Variants in CCSER1 observed in about 807,000 individuals in gnomAD.
The protein encoded by CCSER1 is serine-rich coiled-coil domain-containing protein 1.
In CCSER1, 41 loss-of-function variants were observed where a neutral mutation model predicts 82.0. The observed-to-expected ratio is 0.50, with a 90% CI of 0.39 to 0.65. The LOEUF is 0.65. Ranked by LOEUF, CCSER1 falls within the 30% of genes least tolerant of loss-of-function variation. CCSER1 has a pLI of 0.00. For missense variants in CCSER1, 1,119 were observed against 1,064.2 expected (o/e 1.05, Z -0.72); for synonymous variants, 414 against 383.9 (o/e 1.08, Z -0.92).
chr4:91,042,543 A>G lies in CCSER1; in HGVS notation c.2173-43407A>G, dbSNP rs183143438. ...TTTATCAAAGTAGGTCTGTGCATAC[A>G]TTAATGAAGGTATACAGGTAATTCT... On this transcript the variant is annotated intron_variant, in intron 9 of 10. Coordinates refer to ENST00000509176, the MANE Select transcript of CCSER1 (RefSeq NM_001145065.2). 6.6e-4 allele frequency among the ~76,000 whole-genome samples: 101 copies of G among 152,340 alleles called. 1 individual carries two copies. Among genetic ancestry groups the G allele is most frequent in the African/African-American group, 2.3e-3 (94 of 41,586 alleles).
intron 10 of CCSER1, among the ~76,000 whole-genome samples, chr4:91,419,228 C>T (rs146893534): frequency 7.2e-5 from 11 of 151,802 alleles, no homozygotes; most frequent in African/African-American, 2.7e-4. Context: ...GAAGTCTTAG[C>T]CAGAACAATT....
chr4:91,252,005 T>G (rs1484953137), intron 10 of CCSER1, among the ~76,000 whole-genome samples: 5 of 152,108 alleles, frequency 3.3e-5, no homozygotes, highest in African/African-American at 1.2e-4. Flanking sequence ...AAACTACAAG[T>G]AAGAAGAACT....
At chr4:91,140,708 T>A (rs1215053704) in intron 10 of CCSER1, among the ~76,000 whole-genome samples, 2 of 152,202 alleles carry the variant, frequency 1.3e-5, no homozygotes, top group African/African-American at 4.8e-5. Flanking sequence ...CACTGATTGC[T>A]TTTGATGCCT....
intron 10 of CCSER1, among the ~76,000 whole-genome samples, chr4:91,130,758 C>A (rs917882015): frequency 2.6e-5 from 4 of 151,488 alleles, no homozygotes; most frequent in Non-Finnish European, 5.9e-5. Context: ...CCAACTGTTC[C>A]ACTATCAGGA....
At position 91,175,509 on chromosome 4, in the gene CCSER1, A is replaced by G. The variant is rs1378621862; in HGVS notation, c.2217+89515A>G. On this transcript the variant is annotated intron_variant, in intron 10 of 10. Transcript: ENST00000509176. The stretch of plus-strand genomic sequence containing the variant: ...GTTGTTTCCTGACTTTTTAATGATC[A>G]CCATTCTAACTGGTGTGAGATGGTA... Among the ~76,000 whole-genome samples, 6 of 152,030 alleles carry G rather than the reference A, an allele frequency of 3.9e-5. No homozygotes were observed. In the South Asian group the frequency reaches 8.3e-4, roughly 21 times the overall value.
chr4:90,627,169 C>T (rs910041232), intron 5 of CCSER1, among the ~76,000 whole-genome samples: 25 of 151,914 alleles, frequency 1.6e-4, no homozygotes, highest in Non-Finnish European at 1.6e-4. Flanking sequence ...AACCACTGAA[C>T]ATATCTGTGA....
chr4:91,192,539 GCT>G (rs1315967093), intron 10 of CCSER1, among the ~76,000 whole-genome samples: 1 of 152,058 alleles, frequency 6.6e-6, no homozygotes, highest in Non-Finnish European at 1.5e-5. Flanking sequence ...GTTGTCAAAT[GCT>G]CTCTTTCCTT....
At chr4:90,750,026 A>G (rs1189341377) in intron 7 of CCSER1, among the ~76,000 whole-genome samples, 11 of 152,070 alleles carry the variant, frequency 7.2e-5, no homozygotes, top group Non-Finnish European at 1.6e-4. Context: ...GTTGATTTGT[A>G]TTTCTCTGAT....
intron 1 of CCSER1, among the ~76,000 whole-genome samples, chr4:90,148,106 A>C (rs1321778674): frequency 6.6e-6 from 1 of 152,204 alleles, no homozygotes; most frequent in East Asian, 1.9e-4. Flanking sequence ...TGGAGGTTGC[A>C]GTGAGCCAAG....
chr4:90,957,098 C>CTTTTTT (rs1215668480), intron 9 of CCSER1, among the ~76,000 whole-genome samples: 23 of 86,706 alleles, frequency 2.7e-4, no homozygotes, highest in East Asian at 1.5e-3. Flanking sequence ...TCTTTCTTTC[C>CTTTTTT]TTTTTTTTTT....
chr4:90,145,881 C>T (rs779572015), intron 1 of CCSER1, among the ~76,000 whole-genome samples: 12 of 151,962 alleles, frequency 7.9e-5, no homozygotes, highest in South Asian at 4.1e-4. Context: ...CTGATCTATG[C>T]ACTCATAGGC....
At chr4:91,598,252 T>G (rs965773297) in intron 10 of CCSER1, among the ~76,000 whole-genome samples, 1 of 152,204 alleles carries the variant, frequency 6.6e-6, no homozygotes, top group African/African-American at 2.4e-5. Flanking sequence ...TTTCATACTC[T>G]GGTATCGCTT....
intron 8 of CCSER1, chr4:90,839,186 C>A: frequency 2.8e-6 from 2 of 711,236 alleles, no homozygotes; most frequent in South Asian, 3.5e-5. Context: ...TTATTATGAT[C>A]TTTGTCTAAG....
At chr4:91,302,893 G>A (rs1744778800) in intron 10 of CCSER1, among the ~76,000 whole-genome samples, 1 of 150,604 alleles carries the variant, frequency 6.6e-6, no homozygotes, top group African/African-American at 2.4e-5. Flanking sequence ...CTGAAATTAT[G>A]TTATTAAATT....
intron 9 of CCSER1, among the ~76,000 whole-genome samples, chr4:90,988,357 AAAAAAAG>A (rs1736748349): frequency 6.7e-6 from 1 of 149,028 alleles, no homozygotes; most frequent in African/African-American, 2.4e-5. Flanking sequence ...AAAAAAAAAA[AAAAAAAG>A]AAAGAAAAGA....
chr4:91,334,083 T>A (rs1420752702), intron 10 of CCSER1, among the ~76,000 whole-genome samples: 3 of 152,086 alleles, frequency 2.0e-5, no homozygotes, highest in Admixed American at 2.0e-4. Flanking sequence ...ACTAAAAAAT[T>A]CAGTGTTATT....
intron 10 of CCSER1, among the ~76,000 whole-genome samples, chr4:91,152,562 C>G (rs900563040): frequency 1.3e-5 from 2 of 152,158 alleles, no homozygotes; most frequent in Admixed American, 1.3e-4. Flanking sequence ...CCTGTCATTA[C>G]AATGTCAGCT....
intron 3 of CCSER1, among the ~76,000 whole-genome samples, chr4:90,399,710 C>T (rs2153544130): frequency 6.6e-6 from 1 of 152,070 alleles, no homozygotes; most frequent in East Asian, 1.9e-4. Flanking sequence ...TTTCTCATAT[C>T]AAGAAATCAT....
chr4:91,027,328 A>T, intron 9 of CCSER1, among the ~76,000 whole-genome samples: 1 of 151,900 alleles, frequency 6.6e-6, no homozygotes, highest in East Asian at 1.9e-4. Context: ...CACATAAGTA[A>T]TGACTAATGA....
Sources: allele counts gnomAD v4.1 joint callset (sites outside exome capture counted in the v4.1 genomes callset), GRCh38; gene constraint gnomAD v4.1.1; transcripts MANE v1.5; gene names NCBI Gene and HGNC (gene_info 2026-07-23, HGNC 2026-07-21).